The following ATG5 variants were observed in gnomAD, a reference collection of about 807,000 sequenced individuals.
The protein encoded by ATG5 is autophagy protein 5.
Under a neutral mutation model 36.5 loss-of-function variants are expected in ATG5, and 14 were observed. That is an observed-to-expected ratio of 0.38 (90% CI 0.25 to 0.60). ATG5 has a LOEUF of 0.60. Among genes scored for constraint, ATG5 ranks in the 20% least tolerant of loss-of-function variants. ATG5 has a pLI of 0.60. For synonymous variants in ATG5, 95 were observed against 101.5 expected (o/e 0.94, Z 0.38); for missense variants, 195 against 326.7 (o/e 0.60, Z 3.11).
At chr6:106,288,874 C>T (rs1780190234) in intron 4 of ATG5, among the ~76,000 whole-genome samples, 1 of 152,090 alleles carries the variant, frequency 6.6e-6, no homozygotes. Flanking sequence ...GGAAATATGT[C>T]TGTTTGAAAA....
chr6:106,314,457 T>C (rs1582690477), intron 2 of ATG5, among the ~76,000 whole-genome samples: 1 of 152,172 alleles, frequency 6.6e-6, no homozygotes, highest in Admixed American at 6.5e-5. Flanking sequence ...CTTGGGAAGC[T>C]GAGGCATGAG....
intron 6 of ATG5, among the ~76,000 whole-genome samples, chr6:106,221,579 G>C (rs1777250203): frequency 1.3e-5 from 2 of 151,474 alleles, no homozygotes; most frequent in South Asian, 4.2e-4. Context: ...CCAGCTACTA[G>C]AGAGGCTGAG....
chr6:106,299,855 C>T (rs1278146116), intron 3 of ATG5, among the ~76,000 whole-genome samples: 2 of 152,134 alleles, frequency 1.3e-5, no homozygotes. Flanking sequence ...GTTCATGTCA[C>T]TAAAATAAAT....
intron 5 of ATG5, among the ~76,000 whole-genome samples, chr6:106,258,926 A>C (rs1342797316): frequency 6.6e-6 from 1 of 152,238 alleles, no homozygotes; most frequent in African/African-American, 2.4e-5. Flanking sequence ...CTACTACAGA[A>C]ATAAATATTA....
At chr6:106,290,616 C>T (rs1384403217) in intron 4 of ATG5, among the ~76,000 whole-genome samples, 1 of 152,138 alleles carries the variant, frequency 6.6e-6, no homozygotes, top group African/African-American at 2.4e-5. Context: ...CATGCCCATC[C>T]AGTTTATTGT....
At chr6:106,274,803 ACTAGGTG>A (rs941360204) in intron 5 of ATG5, among the ~76,000 whole-genome samples, 1 of 152,210 alleles carries the variant, frequency 6.6e-6, no homozygotes, top group Non-Finnish European at 1.5e-5. Context: ...CAAAGACCAC[ACTAGGTG>A]CTGGGGATAC....
At chr6:106,284,162 T>C (rs777801849) in intron 4 of ATG5, among the ~76,000 whole-genome samples, 12 of 152,206 alleles carry the variant, frequency 7.9e-5, no homozygotes, top group Non-Finnish European at 1.6e-4. Flanking sequence ...CTATTTTGCA[T>C]ATCAGAATTA....
intron 6 of ATG5, among the ~76,000 whole-genome samples, chr6:106,205,667 T>C (rs1776603734): frequency 6.6e-6 from 1 of 152,164 alleles, no homozygotes; most frequent in Non-Finnish European, 1.5e-5. Context: ...TGGAGAAATA[T>C]CCTGTTATTT....
intron 7 of ATG5, among the ~76,000 whole-genome samples, chr6:106,190,136 C>T (rs1775916911): frequency 6.6e-6 from 1 of 152,150 alleles, no homozygotes; most frequent in African/African-American, 2.4e-5. Flanking sequence ...TATTTTTCTT[C>T]AATCTAGGAT....
chr6:106,241,486 T>A (rs1385251840), intron 6 of ATG5, among the ~76,000 whole-genome samples: 2 of 152,224 alleles, frequency 1.3e-5, no homozygotes, highest in Non-Finnish European at 2.9e-5. Flanking sequence ...GAATATGCAT[T>A]TCTGGGTAAA....
intron 6 of ATG5, among the ~76,000 whole-genome samples, chr6:106,229,550 T>C (rs1206382080): frequency 1.3e-5 from 2 of 150,076 alleles, no homozygotes; most frequent in Admixed American, 1.4e-4. Flanking sequence ...AAGACAAAGA[T>C]AGAAATAGTA....
intron 7 of ATG5, among the ~76,000 whole-genome samples, chr6:106,192,294 A>T (rs891007555): frequency 2.0e-5 from 3 of 152,048 alleles, no homozygotes; most frequent in Non-Finnish European, 4.4e-5. Flanking sequence ...ATACATTTTA[A>T]GTATATCATT....
At chr6:106,269,405 G>A (rs974851614) in intron 5 of ATG5, among the ~76,000 whole-genome samples, 4 of 145,438 alleles carry the variant, frequency 2.8e-5, no homozygotes, top group South Asian at 2.2e-4. Context: ...GCCGTGCCCC[G>A]CACTCCTCAG....
chr6:106,216,086 T>C (rs2114409266), intron 6 of ATG5, among the ~76,000 whole-genome samples: 1 of 152,304 alleles, frequency 6.6e-6, no homozygotes, highest in East Asian at 1.9e-4. Flanking sequence ...TAATTAAAAC[T>C]ATAGAAAATA....
chr6:106,316,342 T>TA, intron 1 of ATG5, 76 bp from the exon 2 acceptor site: 1 of 471,648 alleles, frequency 2.1e-6, no homozygotes, highest in Non-Finnish European at 3.5e-6. Context: ...AAGATTATTT[T>TA]AAAAAATCCA....
rs963643875 is a variant in ATG5 at position 106,220,519 on chromosome 6, T to C, written c.574-18430A>G. The stretch of plus-strand genomic sequence containing the variant: ...TCAGGTTAGAAATAAAGATAGGACA[T>C]TAGTCTTTGTATTTTTAAATTGATT... On this transcript the variant is annotated intron_variant, in intron 6 of 7. Coordinates refer to ENST00000369076, the MANE Select transcript of ATG5 (RefSeq NM_004849.4). 3.3e-5 allele frequency among the ~76,000 whole-genome samples: 5 copies of C among 152,302 alleles called. No individual in the cohort carries two copies. In the East Asian group the frequency reaches 5.8e-4, roughly 18 times the overall value.
chr6:106,310,660 A>G (rs1341287583), intron 2 of ATG5, among the ~76,000 whole-genome samples: 1 of 152,120 alleles, frequency 6.6e-6, no homozygotes, highest in African/African-American at 2.4e-5. Flanking sequence ...GAACTTTTTC[A>G]TCATGCTAAA....
At chr6:106,303,787 C>T (rs1036413784) in intron 3 of ATG5, among the ~76,000 whole-genome samples, 27 of 151,964 alleles carry the variant, frequency 1.8e-4, no homozygotes, top group Admixed American at 1.3e-3. Flanking sequence ...TTATAGCAAC[C>T]AGCTAAGGAA....
chr6:106,262,787 G>A (rs1445424194), intron 5 of ATG5, among the ~76,000 whole-genome samples: 5 of 152,216 alleles, frequency 3.3e-5, no homozygotes, highest in Admixed American at 6.5e-5. Flanking sequence ...GCCAAGGGAA[G>A]CCATGAGGTA....
Sources: allele counts gnomAD v4.1 joint callset (sites outside exome capture counted in the v4.1 genomes callset), GRCh38; gene constraint gnomAD v4.1.1; transcripts MANE v1.5; gene names NCBI Gene and HGNC (gene_info 2026-07-23, HGNC 2026-07-21).